The following GRM7 variants were observed in gnomAD, a reference collection of about 807,000 sequenced individuals.
The protein encoded by GRM7 is glutamate metabotropic receptor 7.
GRM7 carries 35 observed loss-of-function variants against 84.5 expected under a neutral mutation model. That is an observed-to-expected ratio of 0.41 (90% CI 0.32 to 0.55). GRM7 has a LOEUF of 0.55. Ranked by LOEUF, GRM7 falls within the 20% of genes least tolerant of loss-of-function variation. The pLI is 0.19. For synonymous variants in GRM7, 487 were observed against 455.1 expected, an observed-to-expected ratio of 1.07 and a Z score of -0.89; for missense variants, 1,003 against 1,194.6, an observed-to-expected ratio of 0.84 and a Z score of 2.36.
intron 4 of GRM7, among the ~76,000 whole-genome samples, chr3:7,320,164 G>A (rs186503527): frequency 5.3e-5 from 8 of 152,078 alleles, no homozygotes; most frequent in Admixed American, 5.3e-4. Flanking sequence ...TTGTGTGTGT[G>A]TTTGTGTGTA....
chr3:7,448,492 A>G lies in GRM7; in HGVS notation c.1175-4115A>G, dbSNP rs1454644104. Among the ~76,000 whole-genome samples, 6 of 152,222 alleles carry G rather than the reference A, an allele frequency of 3.9e-5. No homozygotes were observed. The East Asian group carries it at 5.8e-4, about 15-fold the overall frequency. ...TCCTTACTCACATTGGTGGCCTCCAATATCTGAACAGAATCAGATTTCAGT... is the reference window on the plus strand; with the variant it reads ...TCCTTACTCACATTGGTGGCCTCCAGTATCTGAACAGAATCAGATTTCAGT... On this transcript the variant is annotated intron_variant, in intron 5 of 9. Coordinates refer to ENST00000357716, the MANE Select transcript of GRM7 (RefSeq NM_000844.4).
chr3:7,568,881 C>G (rs1343073800), intron 7 of GRM7, among the ~76,000 whole-genome samples: 3 of 152,106 alleles, frequency 2.0e-5, no homozygotes, highest in Admixed American at 1.3e-4. Flanking sequence ...CGCCCCCCCT[C>G]CATGGGCTCC....
At chr3:7,206,510 G>T (rs950406053) in intron 2 of GRM7, among the ~76,000 whole-genome samples, 2 of 152,150 alleles carry the variant, frequency 1.3e-5, no homozygotes, top group Non-Finnish European at 2.9e-5. Context: ...ATTTAATAAA[G>T]AAAGGTCCAT....
intron 7 of GRM7, among the ~76,000 whole-genome samples, chr3:7,472,444 T>C (rs1226204657): frequency 6.6e-6 from 1 of 152,188 alleles, no homozygotes; most frequent in African/African-American, 2.4e-5. Flanking sequence ...TCTGGGAAGC[T>C]TGGAAAGAAC....
intron 1 of GRM7, among the ~76,000 whole-genome samples, chr3:6,949,033 T>C (rs1466836919): frequency 6.6e-5 from 10 of 151,538 alleles, no homozygotes; most frequent in South Asian, 6.3e-4. Context: ...TGTCTTTTAA[T>C]TGGAGCATTT....
chr3:6,864,967 C>A (rs1275043101), intron 1 of GRM7, among the ~76,000 whole-genome samples: 1 of 152,242 alleles, frequency 6.6e-6, no homozygotes, highest in Non-Finnish European at 1.5e-5. Context: ...TCTCTCCTCT[C>A]TTTACACACT....
intron 2 of GRM7, among the ~76,000 whole-genome samples, chr3:7,180,494 C>A (rs1029488207): frequency 6.6e-6 from 1 of 152,060 alleles, no homozygotes; most frequent in Non-Finnish European, 1.5e-5. Context: ...ATTTTAATAT[C>A]CCCCGGCAAC....
At chr3:7,484,934 G>A (rs1575404590) in intron 7 of GRM7, among the ~76,000 whole-genome samples, 1 of 152,132 alleles carries the variant, frequency 6.6e-6, no homozygotes, top group Non-Finnish European at 1.5e-5. Context: ...CTCTTATACT[G>A]TTTCTTGCTT....
At chr3:7,288,532 CCA>C (rs1339774339) in intron 2 of GRM7, among the ~76,000 whole-genome samples, 3 of 152,232 alleles carry the variant, frequency 2.0e-5, no homozygotes, top group Admixed American at 6.5e-5. Context: ...GTTCCAAGCT[CCA>C]GTCTTCTCAT....
intron 1 of GRM7, among the ~76,000 whole-genome samples, chr3:6,866,554 T>C (rs557095395): frequency 1.3e-5 from 2 of 152,304 alleles, no homozygotes; most frequent in South Asian, 4.1e-4. Context: ...TGTATTATCT[T>C]ACAATTTACT....
chr3:7,212,260 G>C (rs1328976778), intron 2 of GRM7, among the ~76,000 whole-genome samples: 2 of 144,816 alleles, frequency 1.4e-5, no homozygotes, highest in East Asian at 4.0e-4. Context: ...TTTCATTTCT[G>C]CCTAATGGTA....
intron 1 of GRM7, among the ~76,000 whole-genome samples, chr3:7,053,073 T>TG (rs1223004516): frequency 6.7e-5 from 10 of 148,632 alleles, no homozygotes; most frequent in African/African-American, 2.0e-4. Context: ...TTGTTTTTCT[T>TG]GGGTTTTTTT....
At chr3:7,070,320 G>A (rs1347768574) in intron 1 of GRM7, among the ~76,000 whole-genome samples, 1 of 151,884 alleles carries the variant, frequency 6.6e-6, no homozygotes, top group Non-Finnish European at 1.5e-5. Context: ...AGGTAGCTGA[G>A]GAAAATAAAA....
At chr3:6,956,669 T>G (rs1303415930) in intron 1 of GRM7, 2 of 455,276 alleles carry the variant, frequency 4.4e-6, no homozygotes, top group Non-Finnish European at 8.8e-6. Context: ...TCAGTACTGC[T>G]CACATGAATC....
chr3:7,020,592 C>T lies in GRM7; in HGVS notation c.520-125860C>T, dbSNP rs200026028. Among the ~76,000 whole-genome samples the T allele has an allele frequency of 1.3e-4, 20 of 152,214 alleles. No individual in the cohort carries two copies. The East Asian group carries it at 3.7e-3, about 28-fold the overall frequency. ...CTTAATTTTATACAAGGTACCCACACAATTAGTATACTTAATAAAGATATC... is the reference window on the plus strand; with the variant it reads ...CTTAATTTTATACAAGGTACCCACATAATTAGTATACTTAATAAAGATATC... On this transcript the variant is annotated intron_variant, in intron 1 of 9. Transcript: ENST00000357716.
At chr3:7,184,812 A>G (rs1695460259) in intron 2 of GRM7, among the ~76,000 whole-genome samples, 1 of 152,098 alleles carries the variant, frequency 6.6e-6, no homozygotes, top group African/African-American at 2.4e-5. Flanking sequence ...TGCTGACTTG[A>G]TTTCACTATT....
At position 6,988,851 on chromosome 3, in the gene GRM7, T is replaced by C. The variant is rs139929425; in HGVS notation, c.519+126944T>C. On this transcript the variant is annotated intron_variant, in intron 1 of 9. Coordinates refer to ENST00000357716, the MANE Select transcript of GRM7 (RefSeq NM_000844.4). Reference sequence around the variant, plus strand: ...GTCTTCACTCCATATACACCAAAGGTAGGGTTATTTGTAGGCCACATAAGT... The same window carrying C: ...GTCTTCACTCCATATACACCAAAGGCAGGGTTATTTGTAGGCCACATAAGT... Among the ~76,000 whole-genome samples the C allele has an allele frequency of 1.1e-3, 160 of 152,268 alleles. 2 individuals carry two copies. Among genetic ancestry groups the C allele is most frequent in the African/African-American group, 3.6e-3 (149 of 41,578 alleles).
chr3:7,156,532 T>C (rs949477193), intron 2 of GRM7, among the ~76,000 whole-genome samples: 1 of 152,160 alleles, frequency 6.6e-6, no homozygotes, highest in African/African-American at 2.4e-5. Context: ...TGATAATTAT[T>C]ATTTGCTCCT....
At chr3:6,882,681 TTTTAA>T (rs1695556288) in intron 1 of GRM7, among the ~76,000 whole-genome samples, 1 of 152,270 alleles carries the variant, frequency 6.6e-6, no homozygotes, top group African/African-American at 2.4e-5. Context: ...TATATAATAC[TTTTAA>T]TTATTAGACC....
Sources: gnomAD v4.1 joint callset for allele counts (sites outside exome capture counted in the v4.1 genomes callset) on GRCh38, gnomAD v4.1.1 for gene constraint, MANE v1.5 for transcripts, NCBI Gene and HGNC (gene_info 2026-07-23, HGNC 2026-07-21) for gene names.